The following ADAMTS3 variants were observed in gnomAD, a reference collection of about 807,000 sequenced individuals.
ADAMTS3 encodes A disintegrin and metalloproteinase with thrombospondin motifs 3.
Under a neutral mutation model 129.0 loss-of-function variants are expected in ADAMTS3, and 73 were observed. The ratio of observed to expected loss-of-function variants is 0.57; its 90% CI spans 0.47 to 0.69. The LOEUF is 0.69. ADAMTS3 is among the 30% of genes least tolerant of loss of function. The pLI is 0.00. For missense variants in ADAMTS3, 1,457 were observed against 1,514.5 expected (o/e 0.96, Z 0.63); for synonymous variants, 477 against 510.8 (o/e 0.93, Z 0.89).
At chr4:72,388,673 A>G (rs1721507227) in intron 4 of ADAMTS3, among the ~76,000 whole-genome samples, 1 of 152,172 alleles carries the variant, frequency 6.6e-6, no homozygotes, top group South Asian at 2.1e-4. Context: ...CCTCATTCCA[A>G]TCAATCCACA....
At chr4:72,292,213 T>C (rs574309922) in intron 19 of ADAMTS3, among the ~76,000 whole-genome samples, 10 of 152,378 alleles carry the variant, frequency 6.6e-5, no homozygotes, top group South Asian at 4.1e-4. Flanking sequence ...ATGTCTATTA[T>C]ACATAGTTAA....
At chr4:72,458,146 T>C (rs1451748702) in intron 3 of ADAMTS3, among the ~76,000 whole-genome samples, 1 of 151,486 alleles carries the variant, frequency 6.6e-6, no homozygotes, top group Non-Finnish European at 1.5e-5. Flanking sequence ...ACTTAGGAAT[T>C]CCTGTTTTAC....
intron 3 of ADAMTS3, among the ~76,000 whole-genome samples, chr4:72,487,657 A>G (rs954312052): frequency 3.9e-5 from 6 of 152,126 alleles, no homozygotes; most frequent in Admixed American, 6.6e-5. Context: ...TCTGCTACAT[A>G]TTCAGTCTTG....
At chr4:72,288,903 T>C in intron 20 of ADAMTS3, 35 bp from the exon 21 acceptor site, 2 of 1,231,850 alleles carry the variant, frequency 1.6e-6, no homozygotes, top group Non-Finnish European at 2.4e-6. Flanking sequence ...CAGACATTTA[T>C]TGCACCAAGA....
intron 3 of ADAMTS3, among the ~76,000 whole-genome samples, chr4:72,524,833 ATT>A (rs1163068459): frequency 6.6e-6 from 1 of 152,166 alleles, no homozygotes; most frequent in Non-Finnish European, 1.5e-5. Context: ...CAAACCAAAT[ATT>A]TGAGTCAACT....
chr4:72,381,376 C>T (rs1721284899), intron 4 of ADAMTS3, among the ~76,000 whole-genome samples: 1 of 152,114 alleles, frequency 6.6e-6, no homozygotes, highest in African/African-American at 2.4e-5. Flanking sequence ...TCCATTCTTA[C>T]ATCGAGTGCT....
At chr4:72,516,240 C>G (rs1332020030) in intron 3 of ADAMTS3, among the ~76,000 whole-genome samples, 1 of 152,108 alleles carries the variant, frequency 6.6e-6, no homozygotes, top group Admixed American at 6.5e-5. Context: ...GTTACTGTGG[C>G]CTTGTAGTAT....
At chr4:72,507,205 C>A (rs1720185537) in intron 3 of ADAMTS3, among the ~76,000 whole-genome samples, 1 of 152,188 alleles carries the variant, frequency 6.6e-6, no homozygotes. Flanking sequence ...AAAGCACCAT[C>A]ACTGTCTGTG....
At chr4:72,497,145 A>G (rs1279500498) in intron 3 of ADAMTS3, among the ~76,000 whole-genome samples, 1 of 151,982 alleles carries the variant, frequency 6.6e-6, no homozygotes, top group Non-Finnish European at 1.5e-5. Flanking sequence ...TATAATCCAC[A>G]AATTTATGAT....
In ADAMTS3 at chr4:72,309,484, C is replaced by T. The variant is rs755360703; in HGVS notation, c.2092G>A (p.Val698Ile). The change falls in exon 15 of 22, where the codon GTT becomes ATT. Residue 698 changes from valine (V) to isoleucine (I), a missense_variant. Coordinates refer to ENST00000286657, the MANE Select transcript of ADAMTS3 (RefSeq NM_014243.3). Reference protein sequence around the residue: ...GCDKEIGSNKVEDKCGVCGGD... With the variant: ...GCDKEIGSNKIEDKCGVCGGD... ...CCACAGACACCACACTTATCCTCAA[C>T]CTTATTAGAACCAATTTCTTTATCA... is the stretch of plus-strand genomic sequence containing the variant. 6 of 1,611,976 alleles carry T rather than the reference C, an allele frequency of 3.7e-6. No individual in the cohort carries two copies. The African/African-American group carries it at 6.7e-5, about 18-fold the overall frequency.
At chr4:72,550,096 A>T (rs1339502158) in intron 2 of ADAMTS3, among the ~76,000 whole-genome samples, 1 of 132,906 alleles carries the variant, frequency 7.5e-6, no homozygotes, top group Non-Finnish European at 1.6e-5. Flanking sequence ...AAGAAGAAGA[A>T]GAAGAAGAAG....
At chr4:72,384,570 C>A (rs1195867397) in intron 4 of ADAMTS3, among the ~76,000 whole-genome samples, 1 of 152,064 alleles carries the variant, frequency 6.6e-6, no homozygotes, top group Non-Finnish European at 1.5e-5. Context: ...AATTCAAAAT[C>A]TATTGAAAAT....
intron 3 of ADAMTS3, among the ~76,000 whole-genome samples, chr4:72,474,948 A>G (rs1719187773): frequency 6.7e-6 from 1 of 150,086 alleles, no homozygotes; most frequent in Non-Finnish European, 1.5e-5. Context: ...AATGGCGTGA[A>G]CCCGGGAGGC....
In ADAMTS3 at chr4:72,474,943, C is replaced by T. The variant is rs558929138; in HGVS notation, c.505-59972G>A. ...TTGGGAGGCTGAGGCAGGAGAATGG[C>T]GTGAACCCGGGAGGCGGAGCTTGCA... On this transcript the variant is annotated intron_variant, in intron 3 of 21. Transcript: ENST00000286657. Among the ~76,000 whole-genome samples, 1,137 of 150,338 alleles carry T rather than the reference C, an allele frequency of 7.6e-3. 6 individuals carry two copies. The highest frequency in any genetic ancestry group is 0.021 in the Middle Eastern group (6 of 290).
At chr4:72,518,008 A>G (rs892747297) in intron 3 of ADAMTS3, among the ~76,000 whole-genome samples, 16 of 151,302 alleles carry the variant, frequency 1.1e-4, no homozygotes, top group Admixed American at 2.6e-4. Flanking sequence ...ACTGCTTTGA[A>G]TGTGTCCCAG....
chr4:72,533,201 TA>T (rs950083437), intron 3 of ADAMTS3, among the ~76,000 whole-genome samples: 1 of 152,128 alleles, frequency 6.6e-6, no homozygotes, highest in Non-Finnish European at 1.5e-5. Flanking sequence ...AATTTTAAAT[TA>T]AAAAAATTGT....
At chr4:72,519,198 G>A (rs1379571690) in intron 3 of ADAMTS3, among the ~76,000 whole-genome samples, 4 of 152,100 alleles carry the variant, frequency 2.6e-5, no homozygotes, top group East Asian at 1.9e-4. Flanking sequence ...AGTTTCTGCC[G>A]AGAGATCCGC....
At chr4:72,537,785 G>C (rs965947584) in intron 3 of ADAMTS3, among the ~76,000 whole-genome samples, 1 of 152,094 alleles carries the variant, frequency 6.6e-6, no homozygotes, top group Non-Finnish European at 1.5e-5. Context: ...AAAAACAATA[G>C]ATACGGTTCC....
chr4:72,555,845 G>A (rs967961385), intron 2 of ADAMTS3, among the ~76,000 whole-genome samples: 6 of 151,434 alleles, frequency 4.0e-5, no homozygotes, highest in Non-Finnish European at 5.9e-5. Context: ...GTTGTTTAAA[G>A]GTGTGTAGTA....
Sources: gnomAD v4.1 joint callset for allele counts (sites outside exome capture counted in the v4.1 genomes callset) on GRCh38, gnomAD v4.1.1 for gene constraint, MANE v1.5 for transcripts, NCBI Gene and HGNC (gene_info 2026-07-23, HGNC 2026-07-21) for gene names.